Variants in CAST observed in about 807,000 individuals in gnomAD.
CAST encodes MIR583 host.
CAST carries 76 observed loss-of-function variants against 119.6 expected under a neutral mutation model. The observed-to-expected ratio is 0.64, with a 90% CI of 0.53 to 0.77. CAST has a LOEUF of 0.77. Ranked by LOEUF, CAST falls within the 30% of genes least tolerant of loss-of-function variation. The pLI is 0.00. For missense variants in CAST, 953 were observed against 946.5 expected, an observed-to-expected ratio of 1.01 and a Z score of -0.09; for synonymous variants, 319 against 331.6, an observed-to-expected ratio of 0.96 and a Z score of 0.41.
intron 2 of CAST, among the ~76,000 whole-genome samples, chr5:96,689,018 G>GCA (rs202012303): frequency 8.0e-6 from 1 of 124,662 alleles, no homozygotes; most frequent in Non-Finnish European, 1.6e-5. Context: ...AGGGGTGGGG[G>GCA]CACACACACG....
upstream of CAST, among the ~76,000 whole-genome samples, chr5:96,658,661 A>G (rs1484112387): frequency 6.6e-6 from 1 of 152,248 alleles, no homozygotes; most frequent in African/African-American, 2.4e-5. Flanking sequence ...TGCAACCAGC[A>G]TTTATTTGCA....
chr5:96,578,237 G>T (rs1195139543), intron 1 of CAST, among the ~76,000 whole-genome samples: 1 of 151,602 alleles, frequency 6.6e-6, no homozygotes, highest in Non-Finnish European at 1.5e-5. Flanking sequence ...TATAAATATA[G>T]CCAATTCTGC....
intron 1 of CAST, among the ~76,000 whole-genome samples, chr5:96,651,344 G>A (rs1014811840): frequency 2.0e-5 from 3 of 152,180 alleles, no homozygotes; most frequent in Non-Finnish European, 2.9e-5. Flanking sequence ...GATGTGCCTA[G>A]GGAAGTATGT....
Position 96,722,780 on chromosome 5 carries a change from G to A in CAST, c.270+82G>A, listed in dbSNP as rs555669290. ...AAACAAATGTAGACTAATTGTTGATGATGAGTTATATATGCTAGGAAGTTT... is the reference window on the plus strand; with the variant it reads ...AAACAAATGTAGACTAATTGTTGATAATGAGTTATATATGCTAGGAAGTTT... On this transcript the variant is annotated intron_variant, in intron 4 of 31. Coordinates refer to ENST00000675179, the MANE Select transcript of CAST (RefSeq NM_001750.7). 7.2e-6 allele frequency: 7 copies of A among 974,398 alleles called. No homozygotes were observed. In the Admixed American group the frequency reaches 8.5e-5, roughly 12 times the overall value. 60.4% of individuals were successfully genotyped at this position (974,398 alleles called of 1,614,324 possible). A position where few individuals can be genotyped will look rare whatever the true frequency, so the allele number is the denominator to read the frequency against.
chr5:96,278,043 T>A, the CAST span, among the ~76,000 whole-genome samples: 8 of 152,092 alleles, frequency 5.3e-5, no homozygotes, highest in African/African-American at 1.9e-4. Context: ...TAGAGTTTTT[T>A]TTTTTCAATT....
At chr5:96,498,306 G>T in the CAST span, among the ~76,000 whole-genome samples, 1 of 152,184 alleles carries the variant, frequency 6.6e-6, no homozygotes, top group Non-Finnish European at 1.5e-5. Context: ...GATGCCTCCA[G>T]CTTTGTTCTT....
rs1055880874 is a variant in CAST, at chr5:96,743,515, G to A, written c.1200+759G>A. The A allele has an allele frequency of 5.6e-6, 8 of 1,439,948 alleles. No individual in the cohort carries two copies. In the African/African-American group the frequency reaches 1.0e-4, roughly 18 times the overall value. The allele number at this position is 1,439,948 out of a possible 1,614,324, so 89.2% of individuals were successfully genotyped here. On this transcript the variant is annotated intron_variant, in intron 16 of 31. Coordinates refer to ENST00000675179, the MANE Select transcript of CAST (RefSeq NM_001750.7). ...CAGGCTGGGGGTGCTGGCAGGCATTGCTGTCACAATGCCCCATCTCTGCTG... is the reference window on the plus strand; with the variant it reads ...CAGGCTGGGGGTGCTGGCAGGCATTACTGTCACAATGCCCCATCTCTGCTG...
chr5:95,979,544 T>C, the CAST span, among the ~76,000 whole-genome samples: 1 of 151,094 alleles, frequency 6.6e-6, no homozygotes, highest in Admixed American at 6.6e-5. Context: ...ATAAATTATT[T>C]ATGGGGAAGA....
chr5:96,488,540 A>G, the CAST span, among the ~76,000 whole-genome samples: 1 of 152,250 alleles, frequency 6.6e-6, no homozygotes, highest in South Asian at 2.1e-4. Flanking sequence ...ATTGCCAAAT[A>G]CTTTACATAT....
chr5:96,201,811 C>A, the CAST span, among the ~76,000 whole-genome samples: 1 of 152,090 alleles, frequency 6.6e-6, no homozygotes, highest in Non-Finnish European at 1.5e-5. Flanking sequence ...AATCTACTGT[C>A]CTGTCTACTT....
intron 1 of CAST, among the ~76,000 whole-genome samples, chr5:96,672,308 A>G (rs1410539718): frequency 6.6e-6 from 1 of 152,104 alleles, no homozygotes; most frequent in East Asian, 1.9e-4. Context: ...TATGGCAACA[A>G]TGTTAATAGT....
the CAST span, among the ~76,000 whole-genome samples, chr5:96,308,210 A>C: frequency 6.6e-6 from 1 of 151,374 alleles, no homozygotes; most frequent in African/African-American, 2.4e-5. Flanking sequence ...GTTGATCTTC[A>C]ATCTCTGATA....
intron 1 of CAST, among the ~76,000 whole-genome samples, chr5:96,557,544 G>A (rs186340419): frequency 2.3e-4 from 35 of 152,174 alleles, no homozygotes; most frequent in African/African-American, 8.4e-4. Context: ...CGAAAAAAAG[G>A]CAGGGGTTGC....
At chr5:96,158,492 A>G in the CAST span, among the ~76,000 whole-genome samples, 19 of 152,200 alleles carry the variant, frequency 1.2e-4, no homozygotes, top group Admixed American at 1.0e-3. Context: ...TAATATATTT[A>G]AAGATCTATA....
chr5:96,072,747 G>T, the CAST span, among the ~76,000 whole-genome samples: 2 of 152,344 alleles, frequency 1.3e-5, no homozygotes, highest in East Asian at 3.9e-4. Context: ...GAAAGAGAAT[G>T]TTGAGAGTGG....
At chr5:96,295,166 G>T in the CAST span, among the ~76,000 whole-genome samples, 2 of 152,244 alleles carry the variant, frequency 1.3e-5, no homozygotes, top group South Asian at 4.1e-4. Flanking sequence ...TTTTCATGAA[G>T]AAAAATAATT....
the CAST span, among the ~76,000 whole-genome samples, chr5:96,256,012 C>A: frequency 6.6e-6 from 1 of 151,920 alleles, no homozygotes; most frequent in Non-Finnish European, 1.5e-5. Flanking sequence ...TGCAAGAGAG[C>A]ATTCTGACTG....
the CAST span, among the ~76,000 whole-genome samples, chr5:96,484,221 T>TTGCCATTACCAATGGCTGTGCC: frequency 6.6e-6 from 1 of 152,148 alleles, no homozygotes; most frequent in Non-Finnish European, 1.5e-5. Flanking sequence ...ATACCCAAGG[T>TTGCCATTACCAATGGCTGTGCC]TGCCATTACC....
the CAST span, among the ~76,000 whole-genome samples, chr5:96,214,053 C>T: frequency 1.6e-4 from 24 of 151,960 alleles, no homozygotes; most frequent in East Asian, 3.9e-4. Context: ...TATAGAATAC[C>T]GGCAACATTT....
Sources: gnomAD v4.1 joint callset for allele counts (sites outside exome capture counted in the v4.1 genomes callset) on GRCh38, gnomAD v4.1.1 for gene constraint, MANE v1.5 for transcripts, NCBI Gene and HGNC (gene_info 2026-07-23, HGNC 2026-07-21) for gene names.